The following IP6K1 variants were observed in gnomAD, a reference collection of about 807,000 sequenced individuals.
The protein encoded by IP6K1 is ATP:1D-myo-inositol-hexakisphosphate phosphotransferase.
In IP6K1, 13 loss-of-function variants were observed where a neutral mutation model predicts 38.3. That is an observed-to-expected ratio of 0.34 (90% confidence interval 0.22 to 0.54). IP6K1 has a LOEUF of 0.54. Ranked by LOEUF, IP6K1 falls within the 20% of genes least tolerant of loss-of-function variation. The probability of loss-of-function intolerance (pLI) is 0.92; values close to 1 mark genes in which losing one functional copy is unlikely to be tolerated. For synonymous variants in IP6K1, 212 were observed against 229.9 expected, an observed-to-expected ratio of 0.92 and a Z score of 0.70; for missense variants, 397 against 599.8, an observed-to-expected ratio of 0.66 and a Z score of 3.53.
At chr3:49,772,138 G>GC (rs1224421024) in intron 1 of IP6K1, among the ~76,000 whole-genome samples, 1 of 151,196 alleles carries the variant, frequency 6.6e-6, no homozygotes, top group East Asian at 1.9e-4. Flanking sequence ...TGAGCCCAAG[G>GC]TGGGTTCAAG....
At chr3:49,755,939 T>C (rs1274732182) in intron 1 of IP6K1, among the ~76,000 whole-genome samples, 1 of 152,140 alleles carries the variant, frequency 6.6e-6, no homozygotes, top group Admixed American at 6.5e-5. Flanking sequence ...AGAACAATCC[T>C]CCTGTACCGT....
At position 49,738,199 on chromosome 3, in the gene IP6K1, A is replaced by G. The variant is rs1485287687; in HGVS notation, c.434+13T>C. On this transcript the variant is annotated intron_variant, in intron 3 of 5. Coordinates refer to ENST00000321599, the MANE Select transcript of IP6K1 (RefSeq NM_153273.4). ...AGTGCTTGTACCAGCAGGACGAAAC[A>G]TGTACCTCTTACCTCTCAGAGGTCT... The G allele has an allele frequency of 3.7e-6, 6 of 1,605,264 alleles. No individual in the cohort carries two copies. Among genetic ancestry groups the G allele is most frequent in the Non-Finnish European group, 5.1e-6 (6 of 1,171,980 alleles).
chr3:49,759,863 T>G (rs867349900), intron 1 of IP6K1, among the ~76,000 whole-genome samples: 1 of 152,316 alleles, frequency 6.6e-6, no homozygotes, highest in Middle Eastern at 3.4e-3. Context: ...CAGATTAGAT[T>G]CCAGCTGTCT....
intron 1 of IP6K1, among the ~76,000 whole-genome samples, chr3:49,751,258 C>T (rs967173956): frequency 1.3e-5 from 2 of 151,996 alleles, no homozygotes; most frequent in East Asian, 1.9e-4. Flanking sequence ...AGGGTTCAAG[C>T]GATTCTCGTG....
At chr3:49,767,141 T>C (rs2080919234) in intron 1 of IP6K1, among the ~76,000 whole-genome samples, 2 of 151,834 alleles carry the variant, frequency 1.3e-5, no homozygotes, top group South Asian at 4.2e-4. Flanking sequence ...TGAGTTGCAC[T>C]GGCTCATACC....
At chr3:49,753,123 T>C (rs964235599) in intron 1 of IP6K1, among the ~76,000 whole-genome samples, 10 of 152,074 alleles carry the variant, frequency 6.6e-5, no homozygotes, top group Non-Finnish European at 1.5e-5. Context: ...CTGCATTCCT[T>C]CCCACCCCCA....
chr3:49,771,544 A>G (rs1231009852), intron 1 of IP6K1, among the ~76,000 whole-genome samples: 2 of 152,198 alleles, frequency 1.3e-5, no homozygotes, highest in Non-Finnish European at 2.9e-5. Flanking sequence ...AAAACACACT[A>G]CAACACACTT....
chr3:49,727,639 G>A lies in IP6K1; in HGVS notation c.809C>T (p.Thr270Ile). ...VCGMQVYQLD[T>I]GHYLCRNKYY... is the part of the protein sequence containing the mutation. ...CTTGTTCCTGCAGAGGTAATGCCCT[G>A]TGTCCAGCTGGTACACCTGAAACCC... The change falls in exon 6 of 6, where the codon ACA (threonine) becomes ATA (isoleucine). Residue 270 changes from threonine to isoleucine, a missense_variant. Around this residue, in one of 3 missense-constraint regions of IP6K1, gnomAD observed 62 missense variants for 149.2 expected, o/e 0.42. Coordinates refer to ENST00000321599, the MANE Select transcript of IP6K1 (RefSeq NM_153273.4). The surrounding 1 kb of genome is among the most constrained non-coding windows in gnomAD (Gnocchi z 5.9). 1 of 1,613,626 alleles carries A rather than the reference G, an allele frequency of 6.2e-7. No homozygotes were observed. Among genetic ancestry groups the A allele is most frequent in the Non-Finnish European group, 8.5e-7 (1 of 1,179,598 alleles).
chr3:49,777,241 A>G (rs1393918557), intron 1 of IP6K1, among the ~76,000 whole-genome samples: 1 of 151,910 alleles, frequency 6.6e-6, no homozygotes, highest in East Asian at 1.9e-4. Flanking sequence ...GTCTCCAAAA[A>G]CAGAAATCTT....
intron 1 of IP6K1, among the ~76,000 whole-genome samples, chr3:49,772,265 T>C (rs1267626430): frequency 6.8e-6 from 1 of 147,798 alleles, no homozygotes; most frequent in Non-Finnish European, 1.5e-5. Flanking sequence ...GTAACACATA[T>C]ATATGTAATA....
chr3:49,734,071 G>A (rs1575304810), intron 3 of IP6K1, among the ~76,000 whole-genome samples: 2 of 152,286 alleles, frequency 1.3e-5, no homozygotes, highest in African/African-American at 4.8e-5. Flanking sequence ...CCAGGGGGCT[G>A]AGGATGCACT....
chr3:49,758,029 G>A (rs1250331748), intron 1 of IP6K1, among the ~76,000 whole-genome samples: 1 of 152,124 alleles, frequency 6.6e-6, no homozygotes, highest in African/African-American at 2.4e-5. Context: ...GTTACTAGTG[G>A]CCAGGCGCAG....
Position 49,727,099 on chromosome 3 carries a change from G to T in IP6K1, c.*23C>A. On this transcript the variant is annotated 3_prime_UTR_variant, in exon 6 of 6. Coordinates refer to ENST00000321599, the MANE Select transcript of IP6K1 (RefSeq NM_153273.4). The surrounding 1 kb of genome is among the most constrained non-coding windows in gnomAD (Gnocchi z 5.9). ...CCCTGCCTGCAGTGGAGAGGAAGGG[G>T]TTCTGGGGGCCCAGAACAGGGCCTA... 6.4e-7 allele frequency: 1 copy of T among 1,564,686 alleles called. No homozygotes were observed. Among genetic ancestry groups the T allele is most frequent in the Non-Finnish European group, 8.7e-7 (1 of 1,152,844 alleles).
intron 1 of IP6K1, among the ~76,000 whole-genome samples, chr3:49,766,751 A>C (rs1402591301): frequency 6.6e-6 from 1 of 151,484 alleles, no homozygotes; most frequent in Admixed American, 6.6e-5. Flanking sequence ...GCAGATCACT[A>C]GGTCAGGAGT....
intron 1 of IP6K1, among the ~76,000 whole-genome samples, chr3:49,778,238 T>C (rs2081035943): frequency 6.6e-6 from 1 of 150,726 alleles, no homozygotes; most frequent in South Asian, 2.1e-4. Flanking sequence ...GGCAGGAGAA[T>C]CACTTGAACC....
At chr3:49,776,267 A>G (rs2081007761) in intron 1 of IP6K1, among the ~76,000 whole-genome samples, 1 of 152,168 alleles carries the variant, frequency 6.6e-6, no homozygotes, top group South Asian at 2.1e-4. Flanking sequence ...GTGTAATCCC[A>G]GCACTTTGGG....
chr3:49,781,539 A>G (rs1575331994), intron 1 of IP6K1, among the ~76,000 whole-genome samples: 1 of 152,202 alleles, frequency 6.6e-6, no homozygotes, highest in Non-Finnish European at 1.5e-5. Flanking sequence ...AGCTGAAGCA[A>G]AAGGTCATCT....
At position 49,725,870 on chromosome 3, in the gene IP6K1, C is replaced by G. The variant is rs1324637159; in HGVS notation, c.*1252G>C. On this transcript the variant is annotated 3_prime_UTR_variant, in exon 6 of 6. Coordinates refer to ENST00000321599, the MANE Select transcript of IP6K1 (RefSeq NM_153273.4). ...ACACCAATTTATTCTGCTATCAGGT[C>G]TTTATAAAAAGGCAACACCTGTGGA... 1 of 152,292 alleles carries G rather than the reference C, an allele frequency of 6.6e-6. No individual in the cohort carries two copies. Among genetic ancestry groups the G allele is most frequent in the Admixed American group, 6.5e-5 (1 of 15,286 alleles). The allele number at this position is 152,292 out of a possible 1,614,324, so 9.4% of individuals were successfully genotyped here.
chr3:49,765,681 AC>A (rs1022041178), intron 1 of IP6K1, among the ~76,000 whole-genome samples: 3 of 149,900 alleles, frequency 2.0e-5, no homozygotes, highest in African/African-American at 7.4e-5. Flanking sequence ...CTGTCACTGT[AC>A]CTTTGGTTTA....
Sources: gnomAD v4.1 joint callset for allele counts (sites outside exome capture counted in the v4.1 genomes callset) on GRCh38, gnomAD v4.1.1 for gene constraint, gnomAD v4.1.1 regional missense constraint, Gnocchi (gnomAD v3.1) non-coding constraint, MANE v1.5 for transcripts, NCBI Gene and HGNC (gene_info 2026-07-23, HGNC 2026-07-21) for gene names.